HERC1: variants seen among roughly 807,000 people sequenced by gnomAD.
HERC1 encodes probable E3 ubiquitin-protein ligase HERC1.
Under a neutral mutation model 554.3 loss-of-function variants are expected in HERC1, and 160 were observed. The ratio of observed to expected loss-of-function variants is 0.29; its 90% confidence interval spans 0.25 to 0.33. The LOEUF is 0.33. Ranked by LOEUF, HERC1 falls within the 10% of genes least tolerant of loss-of-function variation. The pLI, the probability that HERC1 is intolerant of heterozygous loss-of-function variation, is 1.00. For synonymous variants in HERC1, 2,175 were observed against 2,131.7 expected (o/e 1.02, Z -0.56); for missense variants, 4,919 against 5,918.5 (o/e 0.83, Z 5.54).
At position 63,764,163 on chromosome 15, in the gene HERC1, C is replaced by G. The variant is rs376495434; in HGVS notation, c.959G>C (p.Arg320Thr). Reference protein sequence around the residue: ...LGSSADRSQWREPTRTSDGLC... With the variant: ...LGSSADRSQWTEPTRTSDGLC... Reference sequence around the variant, plus strand: ...GCCATCCGATGTTCTGGTTGGTTCTCTCCACTGACTCCGATCAGCAGATGA... The same window carrying G: ...GCCATCCGATGTTCTGGTTGGTTCTGTCCACTGACTCCGATCAGCAGATGA... Residue 320 changes from arginine to threonine, a missense_variant, in exon 3 of 78, where the codon AGA becomes ACA. By Grantham distance (71) the Arg-to-Thr change is moderately conservative (BLOSUM62 -1). Coordinates refer to ENST00000443617, the MANE Select transcript of HERC1 (RefSeq NM_003922.4). 2.4e-5 allele frequency: 39 copies of G among 1,610,470 alleles called. No individual in the cohort carries two copies. The highest frequency in any genetic ancestry group is 1.8e-4 in the Admixed American group (11 of 59,562).
At chr15:63,618,093 T>C (rs1459264485) in intron 74 of HERC1, among the ~76,000 whole-genome samples, 2 of 152,138 alleles carry the variant, frequency 1.3e-5, no homozygotes, top group Non-Finnish European at 2.9e-5. Flanking sequence ...GCCTATGTCC[T>C]GAATGGTAAT....
chr15:63,731,829 C>A (rs2074307099), intron 14 of HERC1, among the ~76,000 whole-genome samples: 1 of 152,300 alleles, frequency 6.6e-6, no homozygotes, highest in Non-Finnish European at 1.5e-5. Context: ...CTATATGCAT[C>A]TCTGGCTAGA....
intron 1 of HERC1, 70 bp downstream of exon 1, chr15:63,833,757 A>G (rs1354809387): frequency 5.7e-4 from 53 of 92,774 alleles, no homozygotes; most frequent in East Asian, 2.3e-3. Context: ...GCGCGCGCAC[A>G]CACACACACA....
In HERC1 at chr15:63,686,346, A is replaced by G; in HGVS notation, c.6225+13T>C. ...AAGACAAAATGCTAAAAACTATTAG[A>G]TTTTCTACGTACCTTCCACTGATAG... On this transcript the variant is annotated intron_variant, in intron 34 of 77. Transcript: ENST00000443617. 1 of 1,566,784 alleles carries G rather than the reference A, an allele frequency of 6.4e-7. No homozygotes were observed. The highest frequency in any genetic ancestry group is 2.1e-5 in the Admixed American group (1 of 48,468).
intron 25 of HERC1, among the ~76,000 whole-genome samples, chr15:63,705,647 T>C (rs1335208708): frequency 6.6e-6 from 1 of 152,166 alleles, no homozygotes; most frequent in Non-Finnish European, 1.5e-5. Context: ...AAAAAAAATT[T>C]TTTCACAGGC....
At chr15:63,828,793 G>A (rs1567170734) in intron 1 of HERC1, among the ~76,000 whole-genome samples, 1 of 152,092 alleles carries the variant, frequency 6.6e-6, no homozygotes, top group African/African-American at 2.4e-5. Context: ...AATGCATTAG[G>A]GATGAATAAG....
At chr15:63,825,507 A>G (rs563261599) in intron 1 of HERC1, among the ~76,000 whole-genome samples, 177 of 152,330 alleles carry the variant, frequency 1.2e-3, no homozygotes, top group African/African-American at 4.0e-3. Context: ...TATACAATAA[A>G]TAAGTAAGTA....
chr15:63,664,444 GAAAAGGATACGGAACAT>G lies in HERC1; in HGVS notation c.8680+9_8680+25del, dbSNP rs1478880257. On this transcript the variant is annotated intron_variant, in intron 43 of 77. Coordinates refer to ENST00000443617, the MANE Select transcript of HERC1 (RefSeq NM_003922.4). ...CTTTCAAAATAAGATCTTTCACAAAGAAAAGGATACGGAACATAAAATTACCTGCTCTTGCTAGCAGT... is the reference window on the plus strand; with the variant it reads ...CTTTCAAAATAAGATCTTTCACAAAGAAAATTACCTGCTCTTGCTAGCAGT... The G allele has an allele frequency of 1.3e-6, 2 of 1,585,412 alleles. No individual in the cohort carries two copies. Among genetic ancestry groups the G allele is most frequent in the Non-Finnish European group, 1.7e-6 (2 of 1,162,692 alleles).
chr15:63,615,054 T>C (rs1290836137), intron 76 of HERC1, among the ~76,000 whole-genome samples: 1 of 152,138 alleles, frequency 6.6e-6, no homozygotes, highest in East Asian at 1.9e-4. Flanking sequence ...GGGAAATCCA[T>C]GTGAGGTCAT....
At position 63,813,311 on chromosome 15, in the gene HERC1, GACACACAC is replaced by G. The variant is rs10534978; in HGVS notation, c.-27+20508_-27+20515del. On this transcript the variant is annotated intron_variant, in intron 1 of 77. Transcript: ENST00000443617. The stretch of plus-strand genomic sequence containing the variant: ...ACAACAGTACTGATAATCAGAGATG[GACACACAC>G]ACACACACACACACACACACACACA... Among the ~76,000 whole-genome samples, 562 of 139,590 alleles carry G rather than the reference GACACACAC, an allele frequency of 4.0e-3. 3 individuals are homozygous for G. The highest frequency in any genetic ancestry group is 0.025 in the East Asian group (120 of 4,742). The allele number at this position is 139,590 out of a possible 152,430, so 91.6% of individuals were successfully genotyped here. A position where few individuals can be genotyped will look rare whatever the true frequency, so the allele number is the denominator to read the frequency against.
rs1355549464 is a variant in HERC1, at chr15:63,729,589, A to G, written c.2929T>C (p.Ser977Pro). The G allele has an allele frequency of 1.2e-6, 2 of 1,613,700 alleles. No individual in the cohort carries two copies. Among genetic ancestry groups the G allele is most frequent in the Admixed American group, 1.7e-5 (1 of 60,022 alleles). The change falls in exon 15 of 78, where the codon TCA becomes CCA. Residue 977 changes from serine (S) to proline (P), a missense_variant. Physicochemically the swap from Ser to Pro is moderately conservative, Grantham distance 74 (BLOSUM62 -1). This residue lies in a region of HERC1 where 744 missense variants were observed against 1,090.0 expected (regional missense o/e 0.68). Transcript: ENST00000443617. ...AGATGAGCAGGCTGACTGTTTTCTGATGATGATGTTCCAAGTAGAAATTTA... is the reference window on the plus strand; with the variant it reads ...AGATGAGCAGGCTGACTGTTTTCTGGTGATGATGTTCCAAGTAGAAATTTA... ...SDKFLLGTSS[S>P]ENSQPAHLHE... is the part of the protein sequence containing the mutation.
intron 8 of HERC1, 44 bp downstream of exon 8, chr15:63,752,914 C>G (rs1236691127): frequency 6.4e-7 from 1 of 1,558,710 alleles, no homozygotes; most frequent in Non-Finnish European, 8.7e-7. Flanking sequence ...TCACCTAATC[C>G]TCTGAAATAC....
At chr15:63,704,284 TC>T (rs1375658723) in intron 25 of HERC1, among the ~76,000 whole-genome samples, 3 of 152,244 alleles carry the variant, frequency 2.0e-5, no homozygotes, top group Non-Finnish European at 4.4e-5. Context: ...TACAGTTTTT[TC>T]TTAGTTGGAA....
intron 1 of HERC1, among the ~76,000 whole-genome samples, chr15:63,801,796 C>T (rs1369880920): frequency 6.6e-6 from 1 of 152,164 alleles, no homozygotes; most frequent in African/African-American, 2.4e-5. Flanking sequence ...CTGCAGTCCA[C>T]TTCAGTCTCC....
At chr15:63,662,938 G>C (rs1378881057) in intron 44 of HERC1, 46 bp downstream of exon 44, 16 of 1,441,426 alleles carry the variant, frequency 1.1e-5, no homozygotes, top group Non-Finnish European at 1.6e-5. Context: ...ATGAACAGGA[G>C]GGCAGGAAAA....
At chr15:63,741,846 T>C (rs778057451) in intron 12 of HERC1, among the ~76,000 whole-genome samples, 11 of 152,248 alleles carry the variant, frequency 7.2e-5, no homozygotes, top group Non-Finnish European at 1.2e-4. Flanking sequence ...TCTATATATT[T>C]ATCCTTCTGA....
In HERC1 at chr15:63,637,576, C is replaced by T. The variant is rs1213038145; in HGVS notation, c.12161G>A (p.Gly4054Glu). Residue 4054 changes from glycine (G) to glutamate (E), a missense_variant, in exon 64 of 78, where the codon GGA (glycine) becomes GAA (glutamate). Coordinates refer to ENST00000443617, the MANE Select transcript of HERC1 (RefSeq NM_003922.4). The part of the protein sequence containing the change: ...ANGTVLACGE[G>E]SYGRLGQGNS... ...TCCTTGTCCTAATCTGCCATAACTTCCTTCCCCACAAGCCAACACTGTGCC... is the reference window on the plus strand; with the variant it reads ...TCCTTGTCCTAATCTGCCATAACTTTCTTCCCCACAAGCCAACACTGTGCC... 2 of 1,557,646 alleles carry T rather than the reference C, an allele frequency of 1.3e-6. No homozygotes were observed. The highest frequency in any genetic ancestry group is 1.4e-5 in the African/African-American group (1 of 73,624).
At chr15:63,783,789 C>T (rs28534762) in intron 1 of HERC1, among the ~76,000 whole-genome samples, 15 of 152,070 alleles carry the variant, frequency 9.9e-5, no homozygotes, top group African/African-American at 2.2e-4. Flanking sequence ...ATGATCGGGC[C>T]GGGTGCAGTG....
At position 63,692,728 on chromosome 15, in the gene HERC1, T is replaced by C. The variant is rs2072177344; in HGVS notation, c.5675-162A>G. On this transcript the variant is annotated intron_variant, in intron 30 of 77. Transcript: ENST00000443617. The surrounding 1 kb of genome is among the most constrained non-coding windows in gnomAD (Gnocchi z 4.7). ...ACTTAAAGAACAGAATGGGGAAAGG[T>C]CAGAAAACAAAGCCTAAACTTGAAA... 6.6e-6 allele frequency among the ~76,000 whole-genome samples: 1 copy of C among 152,160 alleles called. No individual in the cohort carries two copies.
Sources: allele counts gnomAD v4.1 joint callset (sites outside exome capture counted in the v4.1 genomes callset), GRCh38; gene constraint gnomAD v4.1.1; regional missense constraint gnomAD v4.1.1; non-coding constraint Gnocchi (gnomAD v3.1); transcripts MANE v1.5; gene names NCBI Gene and HGNC (gene_info 2026-07-23, HGNC 2026-07-21).